Variants in AFTPH observed in about 807,000 individuals in gnomAD.
AFTPH encodes aftiphilin, also known as aftiphilin protein.
A neutral mutation model predicts 72.5 loss-of-function variants in AFTPH; 7 were observed. The observed-to-expected ratio is 0.10, with a 90% CI of 0.05 to 0.18. The LOEUF (loss-of-function observed/expected upper bound fraction) is 0.18. Among genes scored for constraint, AFTPH ranks in the 10% least tolerant of loss-of-function variants. AFTPH has a pLI of 1.00. For missense variants in AFTPH, 979 were observed against 1,060.5 expected (o/e 0.92, Z 1.07); for synonymous variants, 337 against 370.1 (o/e 0.91, Z 1.03).
chr2:64,540,606 C>T (rs1670187901), intron 1 of AFTPH, among the ~76,000 whole-genome samples: 1 of 152,094 alleles, frequency 6.6e-6, no homozygotes, highest in South Asian at 2.1e-4. Context: ...GTAAGTAGCA[C>T]TTGAAAAGTG....
intron 1 of AFTPH, among the ~76,000 whole-genome samples, chr2:64,548,635 C>G (rs912708291): frequency 6.6e-6 from 1 of 152,030 alleles, no homozygotes; most frequent in African/African-American, 2.4e-5. Flanking sequence ...GCAAGGGTTC[C>G]TTTCCCCACA....
At chr2:64,583,296 A>G (rs1338987446) in intron 7 of AFTPH, among the ~76,000 whole-genome samples, 1 of 148,816 alleles carries the variant, frequency 6.7e-6, no homozygotes, top group Non-Finnish European at 1.5e-5. Flanking sequence ...TAACTAAACC[A>G]TGCCTCATTA....
intron 2 of AFTPH, among the ~76,000 whole-genome samples, chr2:64,566,307 G>A (rs890563251): frequency 6.6e-6 from 1 of 152,106 alleles, no homozygotes; most frequent in African/African-American, 2.4e-5. Context: ...TATGATGTGA[G>A]AATAACTTTT....
At chr2:64,550,869 G>T (rs990908966) in intron 1 of AFTPH, among the ~76,000 whole-genome samples, 1 of 152,004 alleles carries the variant, frequency 6.6e-6, no homozygotes, top group African/African-American at 2.4e-5. Flanking sequence ...ATATACACAA[G>T]AACTCTTGTA....
intron 1 of AFTPH, among the ~76,000 whole-genome samples, chr2:64,531,061 C>CAAAAA (rs370897333): frequency 3.9e-4 from 28 of 71,272 alleles, no homozygotes; most frequent in African/African-American, 6.1e-4. Context: ...GACTTCATCT[C>CAAAAA]AAAAAAAAAA....
At chr2:64,571,769 C>T (rs916168437) in intron 5 of AFTPH, among the ~76,000 whole-genome samples, 20 of 152,092 alleles carry the variant, frequency 1.3e-4, no homozygotes, top group Non-Finnish European at 5.9e-5. Context: ...CATTCAAAAG[C>T]TTTTCAGATA....
intron 1 of AFTPH, among the ~76,000 whole-genome samples, chr2:64,550,849 G>A (rs981021280): frequency 6.6e-6 from 1 of 152,056 alleles, no homozygotes; most frequent in Non-Finnish European, 1.5e-5. Context: ...ATTGGGAGAA[G>A]CTAAGTGGAA....
chr2:64,573,813 G>A (rs999668849), intron 6 of AFTPH, among the ~76,000 whole-genome samples: 2 of 151,914 alleles, frequency 1.3e-5, no homozygotes, highest in African/African-American at 2.4e-5. Context: ...GTGTGCCAAC[G>A]TGCCCAGCTA....
chr2:64,554,856 G>A (rs142739346), intron 2 of AFTPH, among the ~76,000 whole-genome samples: 31 of 152,260 alleles, frequency 2.0e-4, no homozygotes, highest in Non-Finnish European at 3.8e-4. Flanking sequence ...ACTGGTATTG[G>A]GTGATCTTTA....
At chr2:64,555,979 G>A (rs1303775971) in intron 2 of AFTPH, among the ~76,000 whole-genome samples, 3 of 140,954 alleles carry the variant, frequency 2.1e-5, no homozygotes, top group African/African-American at 9.2e-5. Flanking sequence ...GGAACAGCAC[G>A]AATTCCTCAC....
chr2:64,585,299 A>C (rs914913347), intron 7 of AFTPH, 123 bp from the exon 9 acceptor site: 1 of 1,198,716 alleles, frequency 8.3e-7, no homozygotes, highest in African/African-American at 1.5e-5. Flanking sequence ...AGTGTTCTAA[A>C]GATATGTTCT....
exon 9 of AFTPH, chr2:64,592,266 A>G: frequency 2.8e-6 from 1 of 357,352 alleles, no homozygotes; most frequent in Non-Finnish European, 5.0e-6. Flanking sequence ...ATTTTTGAAG[A>G]TTTATTCTTT....
chr2:64,537,645 G>T (rs945538377), intron 1 of AFTPH, among the ~76,000 whole-genome samples: 3 of 152,086 alleles, frequency 2.0e-5, no homozygotes, highest in Non-Finnish European at 4.4e-5. Context: ...TTGCCAAAGT[G>T]TTCCAGTTTT....
At chr2:64,563,546 CTGAG>C (rs954278565) in intron 2 of AFTPH, among the ~76,000 whole-genome samples, 103 of 152,350 alleles carry the variant, frequency 6.8e-4, no homozygotes, top group African/African-American at 2.2e-3. Flanking sequence ...TTCTCTTCTT[CTGAG>C]TATTACATTA....
At position 64,556,860 on chromosome 2, in the gene AFTPH, G is replaced by A. The variant is rs371314556; in HGVS notation, c.1935+3451G>A. On this transcript the variant is annotated intron_variant, in intron 2 of 8. Transcript: ENST00000238856. ...TGAGAAATAGATATCTTGTCCCTTC[G>A]GTGAATAATTTTTTCTGAGAACCTG... 4.3e-4 allele frequency among the ~76,000 whole-genome samples: 66 copies of A among 152,206 alleles called. 1 individual carries two copies. The South Asian group carries it at 0.012, about 29-fold the overall frequency.
chr2:64,572,431 C>CTT (rs1175132168), intron 5 of AFTPH, among the ~76,000 whole-genome samples: 1 of 152,156 alleles, frequency 6.6e-6, no homozygotes, highest in East Asian at 1.9e-4. Context: ...TCAGCTCTCA[C>CTT]TTCTCACCAT....
chr2:64,591,567 A>G (rs1419024811), intron 8 of AFTPH, among the ~76,000 whole-genome samples: 2 of 152,188 alleles, frequency 1.3e-5, no homozygotes, highest in Non-Finnish European at 1.5e-5. Context: ...TAACATTTTA[A>G]AATTATGCCT....
At chr2:64,581,977 G>A (rs1394572700) in intron 7 of AFTPH, among the ~76,000 whole-genome samples, 1 of 152,224 alleles carries the variant, frequency 6.6e-6, no homozygotes, top group Non-Finnish European at 1.5e-5. Flanking sequence ...CAAAAGTTCA[G>A]TTCATTGACC....
intron 6 of AFTPH, 56 bp from the exon 7 acceptor site, chr2:64,579,430 T>G (rs1188387147): frequency 7.0e-7 from 1 of 1,419,026 alleles, no homozygotes; most frequent in Non-Finnish European, 9.8e-7. Flanking sequence ...TTAAGGATTC[T>G]TTACGTTGCT....
Sources: gnomAD v4.1 joint callset for allele counts (sites outside exome capture counted in the v4.1 genomes callset) on GRCh38, gnomAD v4.1.1 for gene constraint, MANE v1.5 for transcripts, NCBI Gene and HGNC (gene_info 2026-07-23, HGNC 2026-07-21) for gene names.